PRUNE2: variants seen among roughly 807,000 people sequenced by gnomAD.
PRUNE2 encodes protein prune homolog 2.
Under a neutral mutation model 252.0 loss-of-function variants are expected in PRUNE2, and 164 were observed. The ratio of observed to expected loss-of-function variants is 0.65; its 90% CI spans 0.57 to 0.74. The LOEUF is 0.74. Among genes scored for constraint, PRUNE2 ranks in the 30% least tolerant of loss-of-function variants. The pLI, the probability that PRUNE2 is intolerant of heterozygous loss-of-function variation, is 0.00. For synonymous variants in PRUNE2, 1,292 were observed against 1,350.2 expected (o/e 0.96, Z 0.94); for missense variants, 3,495 against 3,711.0 (o/e 0.94, Z 1.51).
chr9:76,795,368 C>A (rs940948618), intron 6 of PRUNE2, among the ~76,000 whole-genome samples: 1 of 152,152 alleles, frequency 6.6e-6, no homozygotes, highest in Non-Finnish European at 1.5e-5. Flanking sequence ...AGAAGTCAGG[C>A]ACTAGACCCA....
chr9:76,683,364 A>G (rs899964071), intron 9 of PRUNE2, among the ~76,000 whole-genome samples: 1 of 152,220 alleles, frequency 6.6e-6, no homozygotes, highest in Non-Finnish European at 1.5e-5. Flanking sequence ...AGAAACAGAG[A>G]CAATGAGTGA....
At position 76,706,668 on chromosome 9, in the gene PRUNE2, C is replaced by A; in HGVS notation, c.5606G>T (p.Gly1869Val). The A allele has an allele frequency of 1.2e-6, 2 of 1,613,734 alleles. No individual in the cohort carries two copies. Among genetic ancestry groups the A allele is most frequent in the Non-Finnish European group, 1.7e-6 (2 of 1,179,776 alleles). Reference sequence around the variant, plus strand: ...CTCAATATCACCCTGAACTGGTACTCCCCAGGGACTGGCATTTTGGTGTAC... The same window carrying A: ...CTCAATATCACCCTGAACTGGTACTACCCAGGGACTGGCATTTTGGTGTAC... ...SSVHQNASPW[G>V]VPVQGDIEPV... is the part of the protein sequence containing the mutation. Residue 1869 changes from glycine (G) to valine (V), a missense_variant, in exon 8 of 19, where the codon GGA becomes GTA. Physicochemically the swap from Gly to Val is moderately radical, Grantham distance 109. Coordinates refer to ENST00000376718, the MANE Select transcript of PRUNE2 (RefSeq NM_015225.3).
At position 76,707,185 on chromosome 9, in the gene PRUNE2, ACT is replaced by A. The variant is rs1273851147; in HGVS notation, c.5087_5088del (p.Glu1696ValfsTer15). On this transcript the variant is annotated frameshift_variant, in exon 8 of 19. Transcript: ENST00000376718. LOFTEE classifies it high-confidence loss of function. ...GCCACCTGGATCTCTTCCTCTATTG[ACT>A]CTTCACCACCGACACTGTCATCATC... ...GSDDDSVGGEESIEEEIQVAN... is the reference protein window; with the variant it reads ...GSDDDSVGGEXSIEEEIQVAN... 4 of 1,613,260 alleles carry A rather than the reference ACT, an allele frequency of 2.5e-6. No individual in the cohort carries two copies. The highest frequency in any genetic ancestry group is 3.4e-6 in the Non-Finnish European group (4 of 1,179,766).
rs200769595 is a variant in PRUNE2 at position 76,706,318 on chromosome 9, T to G, written c.5956A>C (p.Asn1986His). Residue 1986 changes from asparagine to histidine, a missense_variant, in exon 8 of 19, where the codon AAT (asparagine) becomes CAT (histidine). By Grantham distance (68) the Asn-to-His change is moderately conservative. Coordinates refer to ENST00000376718, the MANE Select transcript of PRUNE2 (RefSeq NM_015225.3). ...TCTTGACCTTCATTAGTTGAAACAT[T>G]AGATGTAACACAACTATTTTCCTCT... is the stretch of plus-strand genomic sequence containing the variant. Reference protein sequence around the residue: ...HAEENSCVTSNVSTNEGQETN... With the variant: ...HAEENSCVTSHVSTNEGQETN... 5.0e-6 allele frequency: 8 copies of G among 1,613,818 alleles called. No individual in the cohort carries two copies. The highest frequency in any genetic ancestry group is 6.8e-6 in the Non-Finnish European group (8 of 1,179,820).
At chr9:76,762,380 C>T (rs1240341267) in intron 6 of PRUNE2, among the ~76,000 whole-genome samples, 1 of 152,136 alleles carries the variant, frequency 6.6e-6, no homozygotes, top group Non-Finnish European at 1.5e-5. Flanking sequence ...GCAGGAATGG[C>T]GGTTGCAGAA....
At position 76,613,336 on chromosome 9, in the gene PRUNE2, TCTGCTGAA is replaced by T. The variant is rs1828019008; in HGVS notation, c.*1226_*1233del. ...GTTTTAGGCATTGTGGGACATACGG[TCTGCTGAA>T]CTGCTCAGCTCTGCGGCTGTAGTGT... On this transcript the variant is annotated 3_prime_UTR_variant, in exon 19 of 19. Coordinates refer to ENST00000376718, the MANE Select transcript of PRUNE2 (RefSeq NM_015225.3). 1 of 152,204 alleles carries T rather than the reference TCTGCTGAA, an allele frequency of 6.6e-6. No homozygotes were observed. Among genetic ancestry groups the T allele is most frequent in the Non-Finnish European group, 1.5e-5 (1 of 68,026 alleles). 9.4% of individuals were successfully genotyped at this position (152,204 alleles called of 1,614,324 possible). A position where few individuals can be genotyped will look rare whatever the true frequency, so the allele number is the denominator to read the frequency against.
intron 6 of PRUNE2, among the ~76,000 whole-genome samples, chr9:76,718,145 A>G (rs1006221999): frequency 6.6e-6 from 1 of 152,242 alleles, no homozygotes; most frequent in African/African-American, 2.4e-5. Context: ...TTCACAGCTG[A>G]AAGTGCAGAT....
At chr9:76,724,672 A>G (rs539655285) in intron 6 of PRUNE2, among the ~76,000 whole-genome samples, 30 of 152,320 alleles carry the variant, frequency 2.0e-4, no homozygotes, top group Non-Finnish European at 3.8e-4. Flanking sequence ...AGTTAATAAT[A>G]GATTGAATAC....
intron 1 of PRUNE2, among the ~76,000 whole-genome samples, chr9:76,897,929 T>A (rs957875737): frequency 6.6e-6 from 1 of 152,226 alleles, no homozygotes; most frequent in Non-Finnish European, 1.5e-5. Flanking sequence ...TGGCTCTTGT[T>A]TGCTAGTGGC....
At chr9:76,698,561 TG>T (rs1417561161) in intron 9 of PRUNE2, among the ~76,000 whole-genome samples, 7 of 152,222 alleles carry the variant, frequency 4.6e-5, no homozygotes, top group Admixed American at 4.6e-4. Context: ...TGTTCAGAAC[TG>T]GGGTACAGCT....
At chr9:76,809,566 C>T (rs1054486132) in intron 6 of PRUNE2, among the ~76,000 whole-genome samples, 11 of 151,986 alleles carry the variant, frequency 7.2e-5, no homozygotes, top group African/African-American at 2.2e-4. Flanking sequence ...CGTGGTCGCG[C>T]GCACCTATAG....
At chr9:76,751,100 C>T (rs1200511848) in intron 6 of PRUNE2, among the ~76,000 whole-genome samples, 4 of 152,228 alleles carry the variant, frequency 2.6e-5, no homozygotes, top group Non-Finnish European at 4.4e-5. Context: ...GTAACATACG[C>T]ATAACGCACA....
At position 76,636,852 on chromosome 9, in the gene PRUNE2, T is replaced by A. The variant is rs568298661; in HGVS notation, c.8964-295A>T. The stretch of plus-strand genomic sequence containing the variant: ...CCGCCTGTAAGTCCTGGCTACTCAG[T>A]GGGTTAGACAGGAGAATCGCTTGAA... On this transcript the variant is annotated intron_variant, in intron 14 of 18. Coordinates refer to ENST00000376718, the MANE Select transcript of PRUNE2 (RefSeq NM_015225.3). 2.2e-4 allele frequency among the ~76,000 whole-genome samples: 34 copies of A among 152,124 alleles called. No individual in the cohort carries two copies. The South Asian group carries it at 5.6e-3, about 25-fold the overall frequency.
At chr9:76,682,714 C>T (rs760743869) in intron 9 of PRUNE2, among the ~76,000 whole-genome samples, 3 of 152,058 alleles carry the variant, frequency 2.0e-5, no homozygotes, top group Admixed American at 6.6e-5. Context: ...AATAGATGTA[C>T]ATATTTTGGG....
chr9:76,877,190 C>T (rs1564489057), intron 1 of PRUNE2, among the ~76,000 whole-genome samples: 1 of 150,950 alleles, frequency 6.6e-6, no homozygotes, highest in Non-Finnish European at 1.5e-5. Context: ...TAAAAGAGGA[C>T]CTATACATTT....
At chr9:76,862,910 A>G (rs2060634010) in intron 1 of PRUNE2, 1 of 152,196 alleles carries the variant, frequency 6.6e-6, no homozygotes, top group Admixed American at 6.5e-5. Flanking sequence ...TTGTGGCCAT[A>G]GATGACTTCT....
intron 6 of PRUNE2, among the ~76,000 whole-genome samples, chr9:76,728,216 A>G (rs1307510365): frequency 1.3e-5 from 2 of 152,186 alleles, no homozygotes; most frequent in African/African-American, 4.8e-5. Context: ...ATCTTTGCCC[A>G]ATAACTTAGG....
chr9:76,631,337 G>C (rs930368605), intron 15 of PRUNE2, among the ~76,000 whole-genome samples: 3 of 152,136 alleles, frequency 2.0e-5, no homozygotes, highest in Admixed American at 6.6e-5. Flanking sequence ...TGATGTATTT[G>C]TATCTGGCGT....
chr9:76,892,068 C>CCA (rs749769958), intron 1 of PRUNE2, among the ~76,000 whole-genome samples: 6 of 151,992 alleles, frequency 3.9e-5, no homozygotes, highest in East Asian at 1.9e-4. Context: ...AAGTAGCCCC[C>CCA]CCAGCCAGAT....
Sources: allele counts gnomAD v4.1 joint callset (sites outside exome capture counted in the v4.1 genomes callset), GRCh38; gene constraint gnomAD v4.1.1; transcripts MANE v1.5; gene names NCBI Gene and HGNC (gene_info 2026-07-23, HGNC 2026-07-21).